MEMO1: variants seen among roughly 807,000 people sequenced by gnomAD.
The protein encoded by MEMO1 is protein MEMO1.
In MEMO1, 6 loss-of-function variants were observed where a neutral mutation model predicts 45.2. The ratio of observed to expected loss-of-function variants is 0.13; its 90% CI spans 0.07 to 0.26. MEMO1 has a LOEUF of 0.26. MEMO1 is among the 10% of genes least tolerant of loss of function. MEMO1 has a pLI of 1.00. For synonymous variants in MEMO1, 78 were observed against 124.3 expected (o/e 0.63, Z 2.48); for missense variants, 184 against 370.5 (o/e 0.50, Z 4.13).
At chr2:31,907,914 C>T (rs1680005243) in intron 6 of MEMO1, among the ~76,000 whole-genome samples, 1 of 152,090 alleles carries the variant, frequency 6.6e-6, no homozygotes, top group African/African-American at 2.4e-5. Context: ...TATTTACTCC[C>T]ACATATAAAA....
chr2:31,932,167 T>C (rs1433602275), intron 3 of MEMO1, 32 bp from the exon 4 acceptor site: 1 of 1,583,012 alleles, frequency 6.3e-7, no homozygotes, highest in South Asian at 1.1e-5. Context: ...AACTTAATCA[T>C]CAGATTCAAA....
At chr2:31,926,867 C>T (rs1683194632) in intron 4 of MEMO1, among the ~76,000 whole-genome samples, 1 of 149,502 alleles carries the variant, frequency 6.7e-6, no homozygotes, top group Non-Finnish European at 1.5e-5. Flanking sequence ...GAAAAATAAA[C>T]AAAACAAAAC....
intron 2 of MEMO1, among the ~76,000 whole-genome samples, chr2:31,971,831 G>A (rs1244933212): frequency 5.3e-5 from 8 of 152,072 alleles, no homozygotes; most frequent in Non-Finnish European, 1.0e-4. Flanking sequence ...TTAGCCAGGC[G>A]TGGTGGCACA....
chr2:31,908,958 C>T (rs1322996074), intron 6 of MEMO1, among the ~76,000 whole-genome samples: 1 of 152,158 alleles, frequency 6.6e-6, no homozygotes, highest in Non-Finnish European at 1.5e-5. Flanking sequence ...TACAACTGAT[C>T]ACAGAATTAT....
intron 6 of MEMO1, among the ~76,000 whole-genome samples, chr2:31,912,686 A>G (rs996937803): frequency 3.9e-5 from 6 of 152,178 alleles, no homozygotes; most frequent in African/African-American, 1.4e-4. Context: ...TATATATTTT[A>G]ACTCAAACAT....
chr2:31,977,113 C>G (rs888929831), intron 2 of MEMO1, among the ~76,000 whole-genome samples: 2 of 151,950 alleles, frequency 1.3e-5, no homozygotes, highest in African/African-American at 2.4e-5. Flanking sequence ...AATAGAGAAG[C>G]AGAAGACGGC....
chr2:31,963,069 C>T (rs67493880), intron 2 of MEMO1: 164,578 of 1,347,828 alleles, frequency 0.12, 10,868 homozygotes, highest in African/African-American at 0.22. Context: ...AACTGAAATA[C>T]TGGCTCTTCC....
chr2:31,978,525 T>C (rs1404360331), intron 2 of MEMO1, among the ~76,000 whole-genome samples: 1 of 152,228 alleles, frequency 6.6e-6, no homozygotes, highest in Non-Finnish European at 1.5e-5. Context: ...CATAGCTCAC[T>C]GAGCTTACAC....
chr2:32,001,124 C>A (rs555420797), intron 2 of MEMO1, among the ~76,000 whole-genome samples: 9 of 150,786 alleles, frequency 6.0e-5, no homozygotes, highest in African/African-American at 2.2e-4. Flanking sequence ...CTGCAAGCGC[C>A]GCCTCCCGGG....
At chr2:31,904,500 T>A (rs1414693548) in intron 6 of MEMO1, among the ~76,000 whole-genome samples, 1 of 152,110 alleles carries the variant, frequency 6.6e-6, no homozygotes, top group Non-Finnish European at 1.5e-5. Flanking sequence ...CACCTCCACA[T>A]AAGGGAGAAC....
intron 2 of MEMO1, among the ~76,000 whole-genome samples, chr2:31,947,025 T>C (rs780120312): frequency 9.9e-5 from 15 of 152,146 alleles, no homozygotes; most frequent in East Asian, 1.9e-4. Flanking sequence ...GGCTATACCA[T>C]CTAGGTTGGC....
intron 2 of MEMO1, among the ~76,000 whole-genome samples, chr2:31,964,257 C>A (rs1054579857): frequency 6.6e-6 from 1 of 151,630 alleles, no homozygotes; most frequent in African/African-American, 2.4e-5. Flanking sequence ...AACACACACA[C>A]AAACACAGTT....
At chr2:31,987,993 A>C (rs1490225657) in intron 2 of MEMO1, among the ~76,000 whole-genome samples, 1 of 152,162 alleles carries the variant, frequency 6.6e-6, no homozygotes, top group Non-Finnish European at 1.5e-5. Context: ...TAATGGAAGG[A>C]GTATGCGCAG....
At chr2:31,921,033 T>A in intron 4 of MEMO1, 123 bp from the exon 5 acceptor site, 1 of 617,928 alleles carries the variant, frequency 1.6e-6, no homozygotes, top group Non-Finnish European at 2.8e-6. Flanking sequence ...CAACTGTTAA[T>A]GGCTGAACTG....
chr2:31,920,655 T>A (rs1682188300), intron 5 of MEMO1, 143 bp downstream of exon 5: 1 of 389,422 alleles, frequency 2.6e-6, no homozygotes, highest in Non-Finnish European at 4.5e-6. Context: ...CTTTTTTTGC[T>A]GTTTTATGCA....
intron 2 of MEMO1, among the ~76,000 whole-genome samples, chr2:31,971,683 A>G (rs1669423625): frequency 6.6e-6 from 1 of 152,126 alleles, no homozygotes; most frequent in African/African-American, 2.4e-5. Flanking sequence ...AAGAAATACA[A>G]CTAAGGCCGG....
At chr2:31,889,998 G>A (rs556961904) in intron 7 of MEMO1, among the ~76,000 whole-genome samples, 1 of 152,004 alleles carries the variant, frequency 6.6e-6, no homozygotes, top group Non-Finnish European at 1.5e-5. Context: ...GAAATCAGGA[G>A]ACAAAACAAC....
chr2:31,949,532 T>G (rs575167972), intron 2 of MEMO1, among the ~76,000 whole-genome samples: 4 of 148,726 alleles, frequency 2.7e-5, no homozygotes, highest in Non-Finnish European at 5.9e-5. Flanking sequence ...CATTTATTTG[T>G]GGGATCTAAA....
At chr2:31,928,283 C>T (rs926878698) in intron 4 of MEMO1, among the ~76,000 whole-genome samples, 3 of 152,156 alleles carry the variant, frequency 2.0e-5, no homozygotes, top group Non-Finnish European at 4.4e-5. Flanking sequence ...CGGCTCATGC[C>T]TGTAATCCCA....
Sources: gnomAD v4.1 joint callset for allele counts (sites outside exome capture counted in the v4.1 genomes callset) on GRCh38, gnomAD v4.1.1 for gene constraint, MANE v1.5 for transcripts, NCBI Gene and HGNC (gene_info 2026-07-23, HGNC 2026-07-21) for gene names.